SCHIP1: variants seen among roughly 807,000 people sequenced by gnomAD.
SCHIP1 encodes schwannomin-interacting protein 1.
A neutral mutation model predicts 29.7 loss-of-function variants in SCHIP1; 8 were observed. The ratio of observed to expected loss-of-function variants is 0.27; its 90% CI spans 0.16 to 0.49. SCHIP1 has a LOEUF of 0.49. Among genes scored for constraint, SCHIP1 ranks in the 20% least tolerant of loss-of-function variants. The pLI is 0.99. For synonymous variants in SCHIP1, 76 were observed against 94.9 expected (o/e 0.80, Z 1.16); for missense variants, 193 against 294.6 (o/e 0.66, Z 2.52).
At chr3:159,820,444 T>G in the SCHIP1 span, among the ~76,000 whole-genome samples, 1 of 152,200 alleles carries the variant, frequency 6.6e-6, no homozygotes, top group Non-Finnish European at 1.5e-5. Context: ...CAAATTATGA[T>G]TACACACAGA....
At chr3:159,273,679 A>T in the SCHIP1 span, 1 of 1,395,694 alleles carries the variant, frequency 7.2e-7, no homozygotes, top group Non-Finnish European at 9.3e-7. Context: ...GGGCAAAAGC[A>T]TCACTTATTT....
At chr3:159,770,859 T>C in the SCHIP1 span, among the ~76,000 whole-genome samples, 5 of 152,334 alleles carry the variant, frequency 3.3e-5, no homozygotes, top group South Asian at 1.0e-3. Flanking sequence ...AACCAGTCTT[T>C]ACTCCTGTTG....
chr3:159,273,976 A>C, the SCHIP1 span: 2 of 1,543,090 alleles, frequency 1.3e-6, no homozygotes, highest in East Asian at 2.4e-5. Context: ...AGTAACTTTA[A>C]ATTTAAGCTG....
chr3:159,747,332 G>T, the SCHIP1 span, among the ~76,000 whole-genome samples: 1 of 152,088 alleles, frequency 6.6e-6, no homozygotes, highest in East Asian at 1.9e-4. Context: ...AATCTTCCTT[G>T]TCTCTGTGAG....
the SCHIP1 span, among the ~76,000 whole-genome samples, chr3:159,653,209 A>G: frequency 9.9e-5 from 15 of 152,172 alleles, no homozygotes; most frequent in Non-Finnish European, 7.3e-5. Context: ...AACCAGAAAT[A>G]CCATTTGACC....
chr3:159,605,235 T>C, the SCHIP1 span, among the ~76,000 whole-genome samples: 9 of 152,218 alleles, frequency 5.9e-5, no homozygotes, highest in African/African-American at 2.2e-4. Context: ...TCAGGGAGCA[T>C]ATCTTTTTGA....
the SCHIP1 span, among the ~76,000 whole-genome samples, chr3:159,283,060 G>A: frequency 1.3e-5 from 2 of 152,118 alleles, no homozygotes; most frequent in African/African-American, 2.4e-5. Context: ...TAGGAACGCT[G>A]TGTAGATAAA....
the SCHIP1 span, among the ~76,000 whole-genome samples, chr3:159,557,566 A>G: frequency 6.6e-6 from 1 of 152,310 alleles, no homozygotes; most frequent in East Asian, 1.9e-4. Context: ...TTGTAATCCC[A>G]TCGTGTTGGG....
chr3:159,526,930 G>C, the SCHIP1 span, among the ~76,000 whole-genome samples: 1 of 152,170 alleles, frequency 6.6e-6, no homozygotes, highest in Non-Finnish European at 1.5e-5. Flanking sequence ...GTTTGTCAGG[G>C]CAGAAAAGGG....
At chr3:159,552,639 T>C in the SCHIP1 span, among the ~76,000 whole-genome samples, 3 of 152,246 alleles carry the variant, frequency 2.0e-5, no homozygotes, top group Non-Finnish European at 4.4e-5. Context: ...CACAGGATTT[T>C]GTGATTAGTG....
At chr3:159,385,541 A>C in the SCHIP1 span, among the ~76,000 whole-genome samples, 1 of 151,000 alleles carries the variant, frequency 6.6e-6, no homozygotes, top group South Asian at 2.1e-4. Flanking sequence ...TGGGAGATAG[A>C]TCAAGAGCAA....
At chr3:159,647,647 C>A in the SCHIP1 span, among the ~76,000 whole-genome samples, 3 of 152,104 alleles carry the variant, frequency 2.0e-5, no homozygotes, top group Non-Finnish European at 4.4e-5. Context: ...AAGCCATTAT[C>A]GCTAATATTC....
the SCHIP1 span, among the ~76,000 whole-genome samples, chr3:159,575,115 G>T: frequency 1.3e-5 from 2 of 152,184 alleles, no homozygotes; most frequent in Admixed American, 6.5e-5. Context: ...TGCACCCACT[G>T]TCCAACCAGT....
chr3:159,585,436 A>G, the SCHIP1 span, among the ~76,000 whole-genome samples: 1 of 152,068 alleles, frequency 6.6e-6, no homozygotes, highest in Non-Finnish European at 1.5e-5. Context: ...CTGTTGTTCC[A>G]TTTTCATGTT....
chr3:159,289,374 C>T, the SCHIP1 span, among the ~76,000 whole-genome samples: 1 of 151,984 alleles, frequency 6.6e-6, no homozygotes, highest in African/African-American at 2.4e-5. Flanking sequence ...CTCAGCCACA[C>T]CAGCCTATAA....
the SCHIP1 span, among the ~76,000 whole-genome samples, chr3:159,779,506 CAA>C: frequency 1.4e-4 from 18 of 129,040 alleles, no homozygotes; most frequent in African/African-American, 1.4e-4. Flanking sequence ...CTGTCTCTAC[CAA>C]AAAAAAAAAA....
At chr3:159,896,896 C>A in exon 7 of SCHIP1, 1 of 1,035,932 alleles carries the variant, frequency 9.7e-7, no homozygotes, top group Non-Finnish European at 1.3e-6. Flanking sequence ...ATGTCTGAAG[C>A]TTAATGTCCA....
Position 159,884,351 on chromosome 3 carries a change from G to GTGTC in SCHIP1, c.150-1853_150-1852insCTGT, listed in dbSNP as rs1353873187. On this transcript the variant is annotated intron_variant, in intron 2 of 6. Transcript: ENST00000445224. The stretch of plus-strand genomic sequence containing the variant: ...AAAATATATATGTGTGTCTGTGTCT[G>GTGTC]TGTGTGTGTGTGTGTGTGTGTGTGT... Among the ~76,000 whole-genome samples the GTGTC allele has an allele frequency of 2.8e-3, 336 of 118,444 alleles. 2 individuals carry two copies. Among genetic ancestry groups the GTGTC allele is most frequent in the Non-Finnish European group, 4.0e-3 (221 of 54,722 alleles). 77.7% of individuals were successfully genotyped at this position (118,444 alleles called of 152,430 possible).
chr3:159,468,146 T>G, the SCHIP1 span, among the ~76,000 whole-genome samples: 1 of 152,160 alleles, frequency 6.6e-6, no homozygotes, highest in Non-Finnish European at 1.5e-5. Context: ...TAGGCTGGAT[T>G]TAATGATTCT....
Sources: allele counts gnomAD v4.1 joint callset (sites outside exome capture counted in the v4.1 genomes callset), GRCh38; gene constraint gnomAD v4.1.1; transcripts MANE v1.5; gene names NCBI Gene and HGNC (gene_info 2026-07-23, HGNC 2026-07-21).